The following ANKRD42 variants were observed in gnomAD, a reference collection of about 807,000 sequenced individuals.
The protein encoded by ANKRD42 is ankyrin repeat domain-containing protein 42.
ANKRD42 carries 43 observed loss-of-function variants against 51.5 expected under a neutral mutation model. That is an observed-to-expected ratio of 0.83 (90% confidence interval 0.65 to 1.08). ANKRD42 has a LOEUF of 1.08. Among genes scored for constraint, ANKRD42 ranks in the 50% least tolerant of loss-of-function variants. The pLI, the probability that ANKRD42 is intolerant of heterozygous loss-of-function variation, is 0.00. For synonymous variants in ANKRD42, 203 were observed against 213.0 expected (o/e 0.95, Z 0.41); for missense variants, 608 against 629.3 (o/e 0.97, Z 0.36).
chr11:83,255,115 G>A (rs968895044), intron 11 of ANKRD42, among the ~76,000 whole-genome samples: 1 of 152,202 alleles, frequency 6.6e-6, no homozygotes, highest in Non-Finnish European at 1.5e-5. Flanking sequence ...TCTCCCCAGG[G>A]ATATGCACCT....
chr11:83,225,442 G>C (rs1862848827), intron 6 of ANKRD42, among the ~76,000 whole-genome samples: 1 of 151,932 alleles, frequency 6.6e-6, no homozygotes. Context: ...AGGCATGCCT[G>C]TAATCCCAGC....
At chr11:83,240,987 T>C in intron 9 of ANKRD42, 53 bp downstream of exon 9, 2 of 1,544,754 alleles carry the variant, frequency 1.3e-6, no homozygotes, top group Non-Finnish European at 1.7e-6. Flanking sequence ...CCACAGCCAC[T>C]TTTTACCACA....
chr11:83,212,278 C>T (rs1222795300), intron 5 of ANKRD42, among the ~76,000 whole-genome samples: 2 of 152,028 alleles, frequency 1.3e-5, no homozygotes, highest in African/African-American at 4.8e-5. Context: ...GATGGAGTTT[C>T]ACCATGTTGG....
At chr11:83,243,967 CTTTTTTTTTTTTTTTT>C (rs66756456) in intron 9 of ANKRD42, among the ~76,000 whole-genome samples, 7 of 66,964 alleles carry the variant, frequency 1.0e-4, no homozygotes, top group Admixed American at 4.2e-4. Flanking sequence ...CCTGGCTGCC[CTTTTTTTTTTTTTTTT>C]TTTTTTTTTT....
intron 4 of ANKRD42, 118 bp downstream of exon 4, chr11:83,210,537 T>C (rs1590973098): frequency 1.6e-6 from 2 of 1,255,140 alleles, no homozygotes; most frequent in East Asian, 4.9e-5. Flanking sequence ...GGGAAACTAA[T>C]TTAATTTTTC....
Position 83,194,485 on chromosome 11 carries a change from A to G in ANKRD42, c.-186A>G. 1.4e-6 allele frequency: 1 copy of G among 711,098 alleles called. No homozygotes were observed. The allele number at this position is 711,098 out of a possible 1,614,324, so 44.0% of individuals were successfully genotyped here. ...CTTCAGTGGCTTTTGGGAGAGAGAAAGTGAAGACGAAGGTTTCCGCTGCAG... is the reference window on the plus strand; with the variant it reads ...CTTCAGTGGCTTTTGGGAGAGAGAAGGTGAAGACGAAGGTTTCCGCTGCAG... On this transcript the variant is annotated 5_prime_UTR_variant, in exon 1 of 11. Transcript: ENST00000533342.
In ANKRD42 at chr11:83,216,566, C is replaced by T. The variant is rs1002691062; in HGVS notation, c.586+5136C>T. Among the ~76,000 whole-genome samples, 9 of 152,054 alleles carry T rather than the reference C, an allele frequency of 5.9e-5. No homozygotes were observed. In the South Asian group the frequency reaches 6.2e-4, roughly 11 times the overall value. ...GTCTCGATCTCCTGACCTCGTGGTC[C>T]GCCCGCCTCGGCCTCCCAAAGTGCT... is the stretch of plus-strand genomic sequence containing the variant. On this transcript the variant is annotated intron_variant, in intron 5 of 10. Transcript: ENST00000533342.
chr11:83,217,536 T>A (rs1277081745), intron 5 of ANKRD42, among the ~76,000 whole-genome samples: 1 of 152,196 alleles, frequency 6.6e-6, no homozygotes, highest in Non-Finnish European at 1.5e-5. Context: ...GTGAAGGCTG[T>A]GCCAGTGTCC....
chr11:83,208,045 A>G (rs1336193593), intron 3 of ANKRD42, among the ~76,000 whole-genome samples: 3 of 151,968 alleles, frequency 2.0e-5, no homozygotes, highest in Non-Finnish European at 2.9e-5. Flanking sequence ...GTTTTTTGAG[A>G]CAGGGTCTTG....
chr11:83,261,920 G>C (rs1464499134), downstream of ANKRD42: 1 of 1,605,058 alleles, frequency 6.2e-7, no homozygotes, highest in African/African-American at 1.3e-5. Flanking sequence ...ACTACTTCCA[G>C]AATCTATAAA....
chr11:83,232,402 T>C lies in ANKRD42; in HGVS notation c.914-4002T>C, dbSNP rs541810531. On this transcript the variant is annotated intron_variant, in intron 7 of 10. Transcript: ENST00000533342. The stretch of plus-strand genomic sequence containing the variant: ...ATTTCCTTTTTGGATTGTTCACTGT[T>C]GGCATATAGAAATGCTACTGATTTT... Among the ~76,000 whole-genome samples, 6 of 152,320 alleles carry C rather than the reference T, an allele frequency of 3.9e-5. No homozygotes were observed. In the East Asian group the frequency reaches 7.7e-4, roughly 20 times the overall value.
At chr11:83,201,163 C>T (rs554273165) in intron 2 of ANKRD42, among the ~76,000 whole-genome samples, 17 of 152,210 alleles carry the variant, frequency 1.1e-4, no homozygotes, top group East Asian at 3.9e-4. Flanking sequence ...CTCCACCCCC[C>T]GACAGGCCCC....
intron 2 of ANKRD42, 125 bp downstream of exon 2, chr11:83,198,767 T>A (rs1861758463): frequency 2.3e-6 from 2 of 877,290 alleles, no homozygotes; most frequent in Non-Finnish European, 3.2e-6. Flanking sequence ...TCATAGTCAG[T>A]TTAATATTTG....
intron 2 of ANKRD42, among the ~76,000 whole-genome samples, chr11:83,199,791 T>C (rs1417646389): frequency 6.6e-6 from 1 of 152,224 alleles, no homozygotes; most frequent in Non-Finnish European, 1.5e-5. Context: ...CTGTGTGATA[T>C]CTTCTTTATT....
intron 3 of ANKRD42, chr11:83,209,489 C>G (rs1862221813): frequency 8.0e-7 from 1 of 1,251,772 alleles, no homozygotes; most frequent in Non-Finnish European, 1.2e-6. Context: ...CATAGCCAAG[C>G]TGGTCCGTAA....
rs376640450 is a variant in ANKRD42, at chr11:83,243,818, C to T, written c.1196-1680C>T. Among the ~76,000 whole-genome samples the T allele has an allele frequency of 4.6e-5, 7 of 151,652 alleles. No homozygotes were observed. The East Asian group carries it at 7.8e-4, about 17-fold the overall frequency. On this transcript the variant is annotated intron_variant, in intron 9 of 10. Coordinates refer to ENST00000533342, the MANE Select transcript of ANKRD42 (RefSeq NM_001300975.2). Reference sequence around the variant, plus strand: ...CTGGGACTACAGGCACTCGCCACCACGCCTGGCTAATTTTGTTTTGTATTT... The same window carrying T: ...CTGGGACTACAGGCACTCGCCACCATGCCTGGCTAATTTTGTTTTGTATTT...
intron 11 of ANKRD42, among the ~76,000 whole-genome samples, chr11:83,254,378 A>G (rs532301996): frequency 2.3e-4 from 34 of 150,354 alleles, no homozygotes; most frequent in Non-Finnish European, 4.1e-4. Flanking sequence ...TTCTAGTTCC[A>G]TCTAGTTGGA....
At chr11:83,210,098 T>G (rs2135500013) in intron 3 of ANKRD42, 1 of 473,652 alleles carries the variant, frequency 2.1e-6, no homozygotes, top group East Asian at 3.6e-5. Flanking sequence ...GAGAGGAAGT[T>G]TTTGTAATCT....
chr11:83,200,885 A>G (rs911210645), intron 2 of ANKRD42, among the ~76,000 whole-genome samples: 4 of 152,142 alleles, frequency 2.6e-5, no homozygotes, highest in African/African-American at 7.2e-5. Context: ...ATCTCCCATC[A>G]TAATTGTTTT....
Sources: gnomAD v4.1 joint callset for allele counts (sites outside exome capture counted in the v4.1 genomes callset) on GRCh38, gnomAD v4.1.1 for gene constraint, MANE v1.5 for transcripts, NCBI Gene and HGNC (gene_info 2026-07-23, HGNC 2026-07-21) for gene names.